NEXMIF: variants seen among roughly 807,000 people sequenced by gnomAD.
The protein encoded by NEXMIF is neurite extension and migration factor.
In NEXMIF, 8 loss-of-function variants were observed where a neutral mutation model predicts 62.1. The observed-to-expected ratio is 0.13, with a 90% CI of 0.08 to 0.23. NEXMIF has a LOEUF of 0.23. NEXMIF is among the 10% of genes least tolerant of loss of function. NEXMIF has a pLI of 1.00. For missense variants in NEXMIF, 976 were observed against 1,113.3 expected (o/e 0.88, Z 1.75); for synonymous variants, 404 against 416.6 (o/e 0.97, Z 0.37).
In NEXMIF at chrX:74,878,122, A is replaced by G. The variant is rs771618155; in HGVS notation, c.-48+46761T>C. On this transcript the variant is annotated intron_variant, in intron 1 of 3. Coordinates refer to ENST00000055682, the MANE Select transcript of NEXMIF (RefSeq NM_001008537.3). ...GTTTTTTCCCCATCTTTGTGGTTTT[A>G]TCTACTTTTGGTCTTTGATGATGGT... Among the ~76,000 whole-genome samples the G allele has an allele frequency of 2.4e-4, 27 of 110,559 alleles. No individual in the cohort carries two copies. In the South Asian group the frequency reaches 0.01, roughly 43 times the overall value.
chrX:74,798,447 G>A (rs180738711), intron 1 of NEXMIF, among the ~76,000 whole-genome samples: 7 of 112,080 alleles, frequency 6.2e-5, no homozygotes, highest in Non-Finnish European at 1.1e-4. Context: ...TGGCTTTCCC[G>A]TAAAGTTCAT....
chrX:74,741,786 A>G lies in NEXMIF; in HGVS notation c.2771T>C (p.Met924Thr). 8.3e-7 allele frequency: 1 copy of G among 1,211,888 alleles called. No homozygotes were observed. The highest frequency in any genetic ancestry group is 3.0e-5 in the East Asian group (1 of 33,854). Residue 924 changes from methionine (M) to threonine (T), a missense_variant, in exon 3 of 4, where the codon ATG becomes ACG. By Grantham distance (81) the Met-to-Thr change is moderately conservative. This residue lies in a region of NEXMIF where 639 missense variants were observed against 694.5 expected (regional missense o/e 0.92). Transcript: ENST00000055682. Reference sequence around the variant, plus strand: ...TGTTGTAGGTGTGAGGTTATTTTCCATGGAGACTACTTGGGAGGCTCCAAA... The same window carrying G: ...TGTTGTAGGTGTGAGGTTATTTTCCGTGGAGACTACTTGGGAGGCTCCAAA... ...SEFGASQVVS[M>T]ENNLTPTTYN...
At chrX:74,810,586 T>C (rs2080357257) in intron 1 of NEXMIF, among the ~76,000 whole-genome samples, 1 of 99,308 alleles carries the variant, frequency 1.0e-5, no homozygotes, top group Non-Finnish European at 2.0e-5. Flanking sequence ...AGGTTAGGAG[T>C]CAGGGAGTGA....
At chrX:74,795,456 T>C (rs932745921) in intron 1 of NEXMIF, among the ~76,000 whole-genome samples, 1 of 112,169 alleles carries the variant, frequency 8.9e-6, no homozygotes, top group African/African-American at 3.2e-5. Context: ...TATTGTATTA[T>C]TCCATTCATA....
intron 1 of NEXMIF, among the ~76,000 whole-genome samples, chrX:74,789,911 C>A (rs1195726347): frequency 9.4e-6 from 1 of 106,798 alleles, no homozygotes; most frequent in Non-Finnish European, 1.9e-5. Context: ...AAAATTTTCT[C>A]CCATTTTGTG....
chrX:74,813,179 C>T (rs901751364), intron 1 of NEXMIF, among the ~76,000 whole-genome samples: 11 of 111,480 alleles, frequency 9.9e-5, no homozygotes, highest in Non-Finnish European at 1.7e-4. Context: ...AAGTAGATGG[C>T]ATAGCCTTAA....
chrX:74,903,880 C>CGTGT (rs3222701), intron 1 of NEXMIF, among the ~76,000 whole-genome samples: 1,124 of 94,197 alleles, frequency 0.012, 9 homozygotes, highest in Middle Eastern at 0.021. Context: ...CAATTCTAAT[C>CGTGT]GTGTGTGTGT....
In NEXMIF at chrX:74,737,546, C is replaced by A. The variant is rs41310623; in HGVS notation, c.*1859G>T. 2.5e-3 allele frequency: 282 copies of A among 111,360 alleles called. 1 individual carries two copies. Among genetic ancestry groups the A allele is most frequent in the Non-Finnish European group, 4.7e-3 (249 of 53,030 alleles). The allele number at this position is 111,360 out of a possible 1,213,427, so 9.2% of individuals were successfully genotyped here. A position where few individuals can be genotyped will look rare whatever the true frequency, so the allele number is the denominator to read the frequency against. ...AGACACAAGAGACTGACGCTGGGAACACACATGATCAAGAACACAGGCTTG... is the reference window on the plus strand; with the variant it reads ...AGACACAAGAGACTGACGCTGGGAAAACACATGATCAAGAACACAGGCTTG... On this transcript the variant is annotated 3_prime_UTR_variant, in exon 4 of 4. Coordinates refer to ENST00000055682, the MANE Select transcript of NEXMIF (RefSeq NM_001008537.3).
intron 1 of NEXMIF, among the ~76,000 whole-genome samples, chrX:74,810,167 A>AT (rs1039494737): frequency 4.5e-4 from 50 of 112,008 alleles, no homozygotes; most frequent in African/African-American, 1.0e-3. Context: ...TAATTAGAAT[A>AT]TTTTTTTAGC....
At chrX:74,789,949 T>A (rs1334269698) in intron 1 of NEXMIF, among the ~76,000 whole-genome samples, 1 of 104,688 alleles carries the variant, frequency 9.6e-6, no homozygotes, top group Non-Finnish European at 2.0e-5. Context: ...GATGGTAGTT[T>A]CTTTTGCTGT....
rs2080105441 is a variant in NEXMIF, at chrX:74,741,832, C to A, written c.2725G>T (p.Ala909Ser). The A allele has an allele frequency of 8.3e-7, 1 of 1,210,304 alleles. No homozygotes were observed. Among genetic ancestry groups the A allele is most frequent in the African/African-American group, 1.7e-5 (1 of 57,284 alleles). ...CCAAATTCACTGGATTGGGTTGGGG[C>A]TATCTCCCTTGAGACTTCAGCCATG... ...EFMAEVSREI[A>S]PTQSSEFGAS... The change falls in exon 3 of 4, where the codon GCC becomes TCC. Residue 909 changes from alanine (A) to serine (S), a missense_variant. Transcript: ENST00000055682.
At chrX:74,866,896 C>T (rs1046532733) in intron 1 of NEXMIF, among the ~76,000 whole-genome samples, 3 of 112,203 alleles carry the variant, frequency 2.7e-5, no homozygotes, top group Admixed American at 9.4e-5. Context: ...TACCCAGTCT[C>T]GGGTATGTCC....
intron 1 of NEXMIF, among the ~76,000 whole-genome samples, chrX:74,872,961 TA>T (rs1313452058): frequency 7.2e-5 from 8 of 110,602 alleles, no homozygotes; most frequent in South Asian, 3.8e-4. Flanking sequence ...TTATTTTTTT[TA>T]AAATTGTTTT....
intron 1 of NEXMIF, among the ~76,000 whole-genome samples, chrX:74,812,278 A>G (rs2080362739): frequency 8.9e-6 from 1 of 112,113 alleles, no homozygotes; most frequent in African/African-American, 3.2e-5. Context: ...CACTATCCAA[A>G]CTTAATTGAA....
chrX:74,825,233 A>T (rs1331089483), intron 1 of NEXMIF, among the ~76,000 whole-genome samples: 1 of 111,408 alleles, frequency 9.0e-6, no homozygotes, highest in Non-Finnish European at 1.9e-5. Flanking sequence ...TTGCCCATTT[A>T]AAAAAACTTT....
intron 1 of NEXMIF, among the ~76,000 whole-genome samples, chrX:74,861,969 T>G (rs1250456683): frequency 9.0e-6 from 1 of 111,657 alleles, no homozygotes; most frequent in African/African-American, 3.3e-5. Context: ...AGCATCATGA[T>G]GAAAGGACCA....
At chrX:74,816,078 T>C (rs993519135) in intron 1 of NEXMIF, among the ~76,000 whole-genome samples, 1 of 112,012 alleles carries the variant, frequency 8.9e-6, no homozygotes, top group African/African-American at 3.2e-5. Flanking sequence ...TCCTTAAGTA[T>C]TGGTCTTCCT....
chrX:74,752,809 T>C (rs1469910964), intron 1 of NEXMIF, among the ~76,000 whole-genome samples: 4 of 112,121 alleles, frequency 3.6e-5, no homozygotes, highest in Non-Finnish European at 7.5e-5. Context: ...TTTCAGGACT[T>C]CTGCCTGCTT....
At chrX:74,799,643 T>G (rs2080323051) in intron 1 of NEXMIF, among the ~76,000 whole-genome samples, 1 of 111,069 alleles carries the variant, frequency 9.0e-6, no homozygotes, top group Non-Finnish European at 1.9e-5. Context: ...AACATTTTTC[T>G]TTTTGGAGAC....
Sources: allele counts gnomAD v4.1 joint callset (sites outside exome capture counted in the v4.1 genomes callset), GRCh38; gene constraint gnomAD v4.1.1; regional missense constraint gnomAD v4.1.1; transcripts MANE v1.5; gene names NCBI Gene and HGNC (gene_info 2026-07-23, HGNC 2026-07-21).